PTPRD: variants seen among roughly 807,000 people sequenced by gnomAD.
PTPRD encodes the protein protein tyrosine phosphatase receptor type D, also known as receptor-type tyrosine-protein phosphatase delta.
A neutral mutation model predicts 214.5 loss-of-function variants in PTPRD; 34 were observed. The observed-to-expected ratio is 0.16, with a 90% CI of 0.12 to 0.21. The LOEUF is 0.21. Ranked by LOEUF, PTPRD falls within the 10% of genes least tolerant of loss-of-function variation. The probability of loss-of-function intolerance (pLI) is 1.00; values close to 1 mark genes in which losing one functional copy is unlikely to be tolerated. For missense variants in PTPRD, 2,545 were observed against 2,398.7 expected, an observed-to-expected ratio of 1.06 and a Z score of -1.27; for synonymous variants, 1,128 against 845.7, an observed-to-expected ratio of 1.33 and a Z score of -5.79.
chr9:9,122,907 C>T (rs997421183), intron 10 of PTPRD, among the ~76,000 whole-genome samples: 2 of 152,154 alleles, frequency 1.3e-5, no homozygotes, highest in East Asian at 3.8e-4. Context: ...GGGTAACCTA[C>T]CACTATTAAT....
intron 2 of PTPRD, among the ~76,000 whole-genome samples, chr9:10,491,496 A>T (rs888810273): frequency 6.6e-6 from 1 of 152,066 alleles, no homozygotes; most frequent in Non-Finnish European, 1.5e-5. Context: ...TTAGGTATAG[A>T]TGCTACATCA....
rs531752465 is a variant in PTPRD at position 9,698,632 on chromosome 9, G to A, written c.-287+35901C>T. The stretch of plus-strand genomic sequence containing the variant: ...ACCCTCCCCACTCCAGTCTCTGGCT[G>A]TCTTCAGGGATATTTCTGCCTTCAC... On this transcript the variant is annotated intron_variant, in intron 7 of 45. Transcript: ENST00000381196. Among the ~76,000 whole-genome samples the A allele has an allele frequency of 2.6e-5, 4 of 152,286 alleles. No individual in the cohort carries two copies. The South Asian group carries it at 8.3e-4, about 32-fold the overall frequency.
At chr9:9,814,665 T>C (rs902134638) in intron 5 of PTPRD, among the ~76,000 whole-genome samples, 2 of 152,108 alleles carry the variant, frequency 1.3e-5, no homozygotes, top group Non-Finnish European at 2.9e-5. Flanking sequence ...TGTTCAAATG[T>C]CCATACTACC....
At chr9:10,226,882 T>C (rs969002577) in intron 3 of PTPRD, among the ~76,000 whole-genome samples, 8 of 152,042 alleles carry the variant, frequency 5.3e-5, no homozygotes, top group African/African-American at 1.9e-4. Flanking sequence ...ATGGAAAATG[T>C]TTTATAATAT....
At position 9,690,701 on chromosome 9, in the gene PTPRD, G is replaced by A. The variant is rs1450680000; in HGVS notation, c.-287+43832C>T. On this transcript the variant is annotated intron_variant, in intron 7 of 45. Coordinates refer to ENST00000381196, the MANE Select transcript of PTPRD (RefSeq NM_002839.4). The stretch of plus-strand genomic sequence containing the variant: ...CCATATAGGTTATTCAGTTTTCCCA[G>A]CACATTTGATTGAAGAGCCTGTTAT... Among the ~76,000 whole-genome samples, 3 of 151,792 alleles carry A rather than the reference G, an allele frequency of 2.0e-5. No homozygotes were observed. In the East Asian group the frequency reaches 5.8e-4, roughly 29 times the overall value.
chr9:9,204,858 T>C (rs1276523923), intron 9 of PTPRD, among the ~76,000 whole-genome samples: 2 of 152,144 alleles, frequency 1.3e-5, no homozygotes, highest in Non-Finnish European at 2.9e-5. Context: ...TTATTATCAT[T>C]ATTATCACAA....
At chr9:9,226,990 A>T (rs2099959893) in intron 9 of PTPRD, among the ~76,000 whole-genome samples, 1 of 152,122 alleles carries the variant, frequency 6.6e-6, no homozygotes, top group African/African-American at 2.4e-5. Flanking sequence ...ATATTGTTAG[A>T]TACTTCTATT....
intron 2 of PTPRD, among the ~76,000 whole-genome samples, chr9:10,546,606 C>A (rs1192732976): frequency 6.6e-6 from 1 of 151,796 alleles, no homozygotes. Context: ...GACACAATTT[C>A]CTGGGTCAAA....
At chr9:9,587,613 G>A (rs191461291) in intron 7 of PTPRD, among the ~76,000 whole-genome samples, 52 of 152,058 alleles carry the variant, frequency 3.4e-4, no homozygotes, top group African/African-American at 1.2e-3. Flanking sequence ...CATCATAAAG[G>A]CTGGGGGTCT....
chr9:10,604,332 A>G (rs964422630), intron 2 of PTPRD, among the ~76,000 whole-genome samples: 1 of 151,882 alleles, frequency 6.6e-6, no homozygotes, highest in Non-Finnish European at 1.5e-5. Flanking sequence ...CTCAGAATGC[A>G]CTGATGTAAT....
At chr9:9,770,909 C>G (rs556844684) in intron 5 of PTPRD, among the ~76,000 whole-genome samples, 15 of 152,210 alleles carry the variant, frequency 9.9e-5, no homozygotes, top group Admixed American at 7.2e-4. Flanking sequence ...AAAGAGAGGT[C>G]TATATTTAGA....
intron 5 of PTPRD, among the ~76,000 whole-genome samples, chr9:9,900,099 C>G (rs1040872081): frequency 6.6e-6 from 1 of 152,202 alleles, no homozygotes; most frequent in Non-Finnish European, 1.5e-5. Flanking sequence ...GCAAATCTCT[C>G]TAGCAAGTGG....
At chr9:9,541,372 C>T (rs2077551388) in intron 8 of PTPRD, among the ~76,000 whole-genome samples, 1 of 151,678 alleles carries the variant, frequency 6.6e-6, no homozygotes, top group Non-Finnish European at 1.5e-5. Context: ...GTGAATATAG[C>T]AGTCACATGG....
chr9:9,088,048 A>T (rs1478825948), intron 10 of PTPRD, among the ~76,000 whole-genome samples: 3 of 151,046 alleles, frequency 2.0e-5, no homozygotes, highest in Non-Finnish European at 4.4e-5. Flanking sequence ...TGCCTGGCTG[A>T]TTTTTGTATT....
intron 2 of PTPRD, among the ~76,000 whole-genome samples, chr9:10,362,202 G>A (rs549077898): frequency 6.6e-6 from 1 of 152,220 alleles, no homozygotes; most frequent in African/African-American, 2.4e-5. Flanking sequence ...ACGTACTAGT[G>A]AAATGTTTAT....
chr9:9,260,526 C>T (rs1350639391), intron 9 of PTPRD, among the ~76,000 whole-genome samples: 1 of 151,774 alleles, frequency 6.6e-6, no homozygotes, highest in Non-Finnish European at 1.5e-5. Context: ...TTTTTCTCTC[C>T]TCCTTCCTAT....
chr9:9,908,161 T>C lies in PTPRD; in HGVS notation c.-368+30346A>G, dbSNP rs145007563. Among the ~76,000 whole-genome samples, 99 of 151,900 alleles carry C rather than the reference T, an allele frequency of 6.5e-4. 2 individuals are homozygous for C. The highest frequency in any genetic ancestry group is 2.1e-3 in the African/African-American group (86 of 41,462). ...TCTAGTTGGGCAAAGGAAAAGTCCA[T>C]GGAGATTGAAAGAAGATGGTAAATT... On this transcript the variant is annotated intron_variant, in intron 5 of 45. Coordinates refer to ENST00000381196, the MANE Select transcript of PTPRD (RefSeq NM_002839.4).
intron 5 of PTPRD, among the ~76,000 whole-genome samples, chr9:9,791,566 T>C (rs1407318580): frequency 2.0e-5 from 3 of 152,180 alleles, no homozygotes; most frequent in Non-Finnish European, 4.4e-5. Flanking sequence ...ATTTAACATG[T>C]TCTGAAAGCA....
intron 11 of PTPRD, among the ~76,000 whole-genome samples, chr9:8,767,960 C>G (rs1287488742): frequency 6.6e-6 from 1 of 152,098 alleles, no homozygotes; most frequent in Non-Finnish European, 1.5e-5. Flanking sequence ...AGTTTTACTC[C>G]TTACAAATTT....
Sources: gnomAD v4.1 joint callset for allele counts (sites outside exome capture counted in the v4.1 genomes callset) on GRCh38, gnomAD v4.1.1 for gene constraint, MANE v1.5 for transcripts, NCBI Gene and HGNC (gene_info 2026-07-23, HGNC 2026-07-21) for gene names.